The following ZDHHC11 variants were observed in gnomAD, a reference collection of about 807,000 sequenced individuals.
The protein encoded by ZDHHC11 is zDHHC palmitoyltransferase 11.
Under a neutral mutation model 51.3 loss-of-function variants are expected in ZDHHC11, and 44 were observed. The observed-to-expected ratio is 0.86, with a 90% CI of 0.67 to 1.10. ZDHHC11 has a LOEUF of 1.10. Among genes scored for constraint, ZDHHC11 ranks in the 50% least tolerant of loss-of-function variants. The pLI is 0.00. For missense variants in ZDHHC11, 400 were observed against 537.7 expected (o/e 0.74, Z 2.53); for synonymous variants, 163 against 222.0 (o/e 0.73, Z 2.36).
At chr5:816,841 C>G (rs1344443753) in intron 10 of ZDHHC11, 1 of 475,684 alleles carries the variant, frequency 2.1e-6, no homozygotes, top group Non-Finnish European at 4.1e-6. Flanking sequence ...CACCCTGAAG[C>G]TGACCTTCAT....
chr5:816,770 G>T (rs749997247), intron 10 of ZDHHC11: 6 of 494,334 alleles, frequency 1.2e-5, no homozygotes, highest in Non-Finnish European at 2.0e-5. Flanking sequence ...GAGCCTACAG[G>T]AGTGGATTCT....
At chr5:805,239 T>G (rs1739081116) in intron 11 of ZDHHC11, among the ~76,000 whole-genome samples, 1 of 151,236 alleles carries the variant, frequency 6.6e-6, no homozygotes, top group Non-Finnish European at 1.5e-5. Flanking sequence ...GGAGTTCAAG[T>G]CCAGCCTGGC....
intron 7 of ZDHHC11, among the ~76,000 whole-genome samples, chr5:829,724 G>A (rs1402187452): frequency 1.3e-5 from 2 of 151,534 alleles, no homozygotes; most frequent in Non-Finnish European, 2.9e-5. Flanking sequence ...CATGAATATA[G>A]ATGCAAAAAT....
chr5:859,539 G>A (rs542507611), upstream of ZDHHC11, among the ~76,000 whole-genome samples: 10 of 152,306 alleles, frequency 6.6e-5, no homozygotes, highest in South Asian at 2.1e-4. Context: ...AGGAGGAACC[G>A]GGGGAGGGAC....
At chr5:829,587 T>G (rs1435246916) in intron 7 of ZDHHC11, among the ~76,000 whole-genome samples, 1 of 151,462 alleles carries the variant, frequency 6.6e-6, no homozygotes, top group African/African-American at 2.4e-5. Flanking sequence ...GGTACCAATC[T>G]TATGGAAACT....
intron 6 of ZDHHC11, among the ~76,000 whole-genome samples, chr5:834,746 C>G (rs11960529): frequency 3.7e-4 from 56 of 152,380 alleles, no homozygotes; most frequent in African/African-American, 1.3e-3. Context: ...CCATTTTCCC[C>G]GCAGTGTGTG....
chr5:808,533 TTTTA>T (rs1235338199), intron 11 of ZDHHC11, among the ~76,000 whole-genome samples: 6 of 149,356 alleles, frequency 4.0e-5, no homozygotes, highest in South Asian at 2.2e-4. Context: ...GTTCCATCTT[TTTTA>T]TTTATTTATT....
chr5:805,163 C>G (rs544514764), intron 11 of ZDHHC11, among the ~76,000 whole-genome samples: 1 of 151,558 alleles, frequency 6.6e-6, no homozygotes, highest in Admixed American at 6.6e-5. Context: ...TTGGGGCTGA[C>G]TGTAGTGGCT....
At chr5:824,216 T>C in intron 8 of ZDHHC11, 2 of 363,286 alleles carry the variant, frequency 5.5e-6, no homozygotes, top group South Asian at 4.1e-5. Flanking sequence ...CCCTGTGCTA[T>C]TAGAGGCTGA....
At chr5:817,139 A>AT in intron 10 of ZDHHC11, 1 of 155,902 alleles carries the variant, frequency 6.4e-6, no homozygotes. Flanking sequence ...GATACATAGG[A>AT]TTTTCTGACA....
At chr5:858,184 C>T (rs1469953414) in intron 1 of ZDHHC11, among the ~76,000 whole-genome samples, 1 of 148,128 alleles carries the variant, frequency 6.8e-6, no homozygotes, top group Non-Finnish European at 1.5e-5. Context: ...GTCTTTATGA[C>T]ACCAGGCCCC....
chr5:796,008 T>C lies in ZDHHC11; in HGVS notation c.*580A>G, dbSNP rs567134879. ...CCCATTTCTCAGTAGTGTACTCCCA[T>C]TTCTCAGTACTGTGCTCCCACTTCT... On this transcript the variant is annotated 3_prime_UTR_variant, in exon 13 of 13. Transcript: ENST00000283441. The C allele has an allele frequency of 3.3e-4, 51 of 154,910 alleles. No individual in the cohort carries two copies. Among genetic ancestry groups the C allele is most frequent in the African/African-American group, 1.0e-3 (43 of 41,232 alleles). The allele number at this position is 154,910 out of a possible 1,614,324, so 9.6% of individuals were successfully genotyped here.
At chr5:828,617 A>G (rs1056437373) in intron 7 of ZDHHC11, among the ~76,000 whole-genome samples, 1 of 151,450 alleles carries the variant, frequency 6.6e-6, no homozygotes, top group African/African-American at 2.4e-5. Flanking sequence ...CAACAAAGAA[A>G]CAATGACCTT....
intron 4 of ZDHHC11, chr5:840,864 T>A: frequency 6.9e-7 from 1 of 1,444,914 alleles, no homozygotes; most frequent in Non-Finnish European, 9.1e-7. Flanking sequence ...TTTATGGATC[T>A]GGGAGGTGAG....
chr5:840,020 A>G (rs1248855409), intron 5 of ZDHHC11: 5 of 586,998 alleles, frequency 8.5e-6, no homozygotes, highest in Non-Finnish European at 1.5e-5. Flanking sequence ...CGCTGTGCCC[A>G]CTGTGAGACC....
upstream of ZDHHC11, among the ~76,000 whole-genome samples, chr5:851,191 A>G (rs1747176202): frequency 6.6e-6 from 1 of 152,184 alleles, no homozygotes; most frequent in Non-Finnish European, 1.5e-5. Flanking sequence ...GCAGGACCCG[A>G]GAGCTCACTT....
At chr5:829,178 A>G (rs550432853) in intron 7 of ZDHHC11, among the ~76,000 whole-genome samples, 1,528 of 149,718 alleles carry the variant, frequency 0.01, 16 homozygotes, top group Non-Finnish European at 0.015. Flanking sequence ...TTCAAACAAA[A>G]AAACAAAAAA....
rs530202698 is a variant in ZDHHC11 at position 850,753 on chromosome 5, C to T, written c.-151G>A. The T allele has an allele frequency of 2.4e-5, 23 of 942,846 alleles. No individual in the cohort carries two copies. The highest frequency in any genetic ancestry group is 1.1e-4 in the Admixed American group (4 of 37,864). The allele number at this position is 942,846 out of a possible 1,614,324, so 58.4% of individuals were successfully genotyped here. A position where few individuals can be genotyped will look rare whatever the true frequency, so the allele number is the denominator to read the frequency against. On this transcript the variant is annotated 5_prime_UTR_variant, in exon 1 of 13. Transcript: ENST00000283441. The stretch of plus-strand genomic sequence containing the variant: ...CAGCACTGCCTGGGGCCACGTTCCC[C>T]GCAGAGGGAGCAGGGGCTGGGCTGG...
intron 9 of ZDHHC11, 129 bp downstream of exon 9, chr5:821,732 C>T: frequency 1.1e-6 from 1 of 937,880 alleles, no homozygotes; most frequent in African/African-American, 1.6e-5. Flanking sequence ...GAAAGTGCCA[C>T]CTCCTGGCAC....
Sources: allele counts gnomAD v4.1 joint callset (sites outside exome capture counted in the v4.1 genomes callset), GRCh38; gene constraint gnomAD v4.1.1; transcripts MANE v1.5; gene names NCBI Gene and HGNC (gene_info 2026-07-23, HGNC 2026-07-21).